CSMD3: variants seen among roughly 807,000 people sequenced by gnomAD.
The protein encoded by CSMD3 is CUB and sushi domain-containing protein 3.
In CSMD3, 177 loss-of-function variants were observed where a neutral mutation model predicts 435.2. The ratio of observed to expected loss-of-function variants is 0.41; its 90% CI spans 0.36 to 0.46. The LOEUF (loss-of-function observed/expected upper bound fraction) is 0.46. Among genes scored for constraint, CSMD3 ranks in the 20% least tolerant of loss-of-function variants. The pLI, the probability that CSMD3 is intolerant of heterozygous loss-of-function variation, is 0.34. For missense variants in CSMD3, 4,265 were observed against 4,504.6 expected (o/e 0.95, Z 1.52); for synonymous variants, 1,656 against 1,520.5 (o/e 1.09, Z -2.07).
At position 112,573,561 on chromosome 8, in the gene CSMD3, A is replaced by G. The variant is rs1390625699; in HGVS notation, c.3982T>C (p.Trp1328Arg). 6.2e-7 allele frequency: 1 copy of G among 1,613,536 alleles called. No individual in the cohort carries two copies. The highest frequency in any genetic ancestry group is 8.5e-7 in the Non-Finnish European group (1 of 1,179,574). ...LTLSSTSNQLWLEFNSDTEGT... is the reference protein window; with the variant it reads ...LTLSSTSNQLRLEFNSDTEGT... ...TCAGTATCGGAATTAAATTCTAGCCAGAGTTGATTTGAAGTACTACTAAGT... is the reference window on the plus strand; with the variant it reads ...TCAGTATCGGAATTAAATTCTAGCCGGAGTTGATTTGAAGTACTACTAAGT... Residue 1328 changes from tryptophan to arginine, a missense_variant, in exon 24 of 71, where the codon TGG becomes CGG. By Grantham distance (101) the Trp-to-Arg change is moderately radical. Coordinates refer to ENST00000297405, the MANE Select transcript of CSMD3 (RefSeq NM_198123.2).
At chr8:112,478,695 G>T (rs907089535) in intron 31 of CSMD3, among the ~76,000 whole-genome samples, 3 of 152,144 alleles carry the variant, frequency 2.0e-5, no homozygotes, top group Non-Finnish European at 4.4e-5. Flanking sequence ...ATAGGGGTGG[G>T]TCCGTGGTGA....
chr8:113,122,346 T>C (rs2091008335), intron 4 of CSMD3, among the ~76,000 whole-genome samples: 1 of 152,134 alleles, frequency 6.6e-6, no homozygotes, highest in Admixed American at 6.6e-5. Flanking sequence ...AGATAAATAG[T>C]GTGAACAATG....
intron 38 of CSMD3, among the ~76,000 whole-genome samples, chr8:112,357,194 G>T (rs1826700884): frequency 6.6e-6 from 1 of 152,072 alleles, no homozygotes; most frequent in Non-Finnish European, 1.5e-5. Flanking sequence ...AACTTGTTGG[G>T]AACTGAAGCA....
Position 113,436,887 on chromosome 8 carries a change from G to T in CSMD3, c.-33C>A, listed in dbSNP as rs2130160526. ...GCGAGCTCCTAATTCCTGCTCCTCA[G>T]CCCGGCGCAGTGGAGTTGTTGCTGT... On this transcript the variant is annotated 5_prime_UTR_variant, in exon 1 of 71. In the 5' UTR this introduces an upstream ATG that the reference lacks. Transcript: ENST00000297405. The T allele has an allele frequency of 6.2e-7, 1 of 1,612,086 alleles. No homozygotes were observed. Among genetic ancestry groups the T allele is most frequent in the Non-Finnish European group, 8.5e-7 (1 of 1,179,296 alleles).
chr8:113,222,914 C>CG (rs2092986325), intron 3 of CSMD3, among the ~76,000 whole-genome samples: 1 of 150,432 alleles, frequency 6.6e-6, no homozygotes, highest in Non-Finnish European at 1.5e-5. Flanking sequence ...TTGTTTTTTG[C>CG]AAGTTTGTGC....
chr8:113,048,732 A>G (rs935794022), intron 5 of CSMD3, among the ~76,000 whole-genome samples: 2 of 152,142 alleles, frequency 1.3e-5, no homozygotes, highest in Non-Finnish European at 2.9e-5. Context: ...CAGCAGAAAA[A>G]TAAGAACCAT....
At chr8:112,245,059 T>G (rs1353800626) in intron 64 of CSMD3, among the ~76,000 whole-genome samples, 1 of 152,012 alleles carries the variant, frequency 6.6e-6, no homozygotes, top group Non-Finnish European at 1.5e-5. Flanking sequence ...TATTGTTAAA[T>G]AAAACCACAG....
At chr8:112,568,786 G>A (rs546968851) in intron 24 of CSMD3, among the ~76,000 whole-genome samples, 24 of 152,132 alleles carry the variant, frequency 1.6e-4, no homozygotes, top group African/African-American at 5.8e-4. Context: ...GAGTTTCTGG[G>A]CTTCCATGAC....
chr8:113,344,489 T>C (rs145563253), intron 1 of CSMD3, among the ~76,000 whole-genome samples: 140 of 152,282 alleles, frequency 9.2e-4, no homozygotes, highest in African/African-American at 3.3e-3. Flanking sequence ...TTTGAAAGTC[T>C]TTGCTTGCTT....
chr8:113,212,610 C>A (rs568101824), intron 3 of CSMD3, among the ~76,000 whole-genome samples: 15 of 151,866 alleles, frequency 9.9e-5, no homozygotes, highest in Admixed American at 2.6e-4. Flanking sequence ...AAGCTGGAAA[C>A]CATCATTCTC....
intron 5 of CSMD3, among the ~76,000 whole-genome samples, chr8:113,051,783 G>A (rs559356521): frequency 3.4e-4 from 52 of 152,292 alleles, no homozygotes; most frequent in African/African-American, 1.2e-3. Flanking sequence ...CAGGCGCTCA[G>A]TAAATGTATG....
intron 4 of CSMD3, among the ~76,000 whole-genome samples, chr8:113,107,826 A>T (rs1157076738): frequency 4.6e-5 from 7 of 152,120 alleles, no homozygotes; most frequent in Admixed American, 4.6e-4. Context: ...CTCACTGTAA[A>T]CTTCATAAAG....
chr8:112,449,150 G>T (rs1201390101), intron 32 of CSMD3, among the ~76,000 whole-genome samples: 1 of 152,148 alleles, frequency 6.6e-6, no homozygotes, highest in African/African-American at 2.4e-5. Context: ...ACCTGAATTG[G>T]CTTAAGTGAA....
At chr8:112,443,245 T>C (rs1006702059) in intron 32 of CSMD3, among the ~76,000 whole-genome samples, 2 of 152,198 alleles carry the variant, frequency 1.3e-5, no homozygotes, top group African/African-American at 4.8e-5. Context: ...GAATAAGGCC[T>C]AACTCTGATT....
chr8:112,451,923 G>T (rs755086499), intron 32 of CSMD3, among the ~76,000 whole-genome samples: 4 of 152,118 alleles, frequency 2.6e-5, no homozygotes, highest in Non-Finnish European at 2.9e-5. Context: ...TAAAACAAAG[G>T]TTGAGATAAT....
At chr8:112,373,863 T>G (rs1054015648) in intron 38 of CSMD3, among the ~76,000 whole-genome samples, 3 of 152,126 alleles carry the variant, frequency 2.0e-5, no homozygotes, top group Non-Finnish European at 4.4e-5. Context: ...GTCTCCAGTG[T>G]GCAACTGAGT....
chr8:112,613,057 A>G (rs1034637306), intron 22 of CSMD3, among the ~76,000 whole-genome samples: 6 of 152,066 alleles, frequency 3.9e-5, no homozygotes. Flanking sequence ...ATAGGCAGCA[A>G]CTACCATGCC....
chr8:112,398,438 G>C (rs1831035514), intron 35 of CSMD3, among the ~76,000 whole-genome samples: 1 of 152,182 alleles, frequency 6.6e-6, no homozygotes, highest in Admixed American at 6.5e-5. Flanking sequence ...CACCTCTGTA[G>C]CTCCACTGGA....
rs570705469 is a variant in CSMD3, at chr8:112,533,039, A to G, written c.4565-15814T>C. Among the ~76,000 whole-genome samples, 568 of 152,192 alleles carry G rather than the reference A, an allele frequency of 3.7e-3. 2 individuals are homozygous for G. Among genetic ancestry groups the G allele is most frequent in the Middle Eastern group, 6.8e-3 (2 of 294 alleles). On this transcript the variant is annotated intron_variant, in intron 27 of 70. Transcript: ENST00000297405. ...TCTCTGCCACTAACCTTAAGTAGCCATTAGTTTAAAATAACTTGTACAACT... is the reference window on the plus strand; with the variant it reads ...TCTCTGCCACTAACCTTAAGTAGCCGTTAGTTTAAAATAACTTGTACAACT...
Sources: gnomAD v4.1 joint callset for allele counts (sites outside exome capture counted in the v4.1 genomes callset) on GRCh38, gnomAD v4.1.1 for gene constraint, MANE v1.5 for transcripts, NCBI Gene and HGNC (gene_info 2026-07-23, HGNC 2026-07-21) for gene names.